The following DOCK2 variants were observed in gnomAD, a reference collection of about 807,000 sequenced individuals.
The protein encoded by DOCK2 is dedicator of cytokinesis protein 2.
A neutral mutation model predicts 248.9 loss-of-function variants in DOCK2; 87 were observed. The ratio of observed to expected loss-of-function variants is 0.35; its 90% CI spans 0.29 to 0.42. The LOEUF is 0.42. Among genes scored for constraint, DOCK2 ranks in the 10% least tolerant of loss-of-function variants. The pLI is 1.00. For missense variants in DOCK2, 1,747 were observed against 2,300.2 expected, an observed-to-expected ratio of 0.76 and a Z score of 4.92; for synonymous variants, 805 against 821.6, an observed-to-expected ratio of 0.98 and a Z score of 0.35.
chr5:169,979,915 T>C (rs971473296), intron 27 of DOCK2, among the ~76,000 whole-genome samples: 3 of 152,218 alleles, frequency 2.0e-5, no homozygotes, highest in African/African-American at 7.2e-5. Context: ...CCTCCCTTTT[T>C]ATCTTTTAAA....
chr5:170,048,634 A>G (rs1390905906), intron 40 of DOCK2, among the ~76,000 whole-genome samples: 1 of 152,190 alleles, frequency 6.6e-6, no homozygotes, highest in African/African-American at 2.4e-5. Context: ...AGAAAGCTCC[A>G]TCGTACACTC....
At chr5:169,839,758 TTATGTAACCC>T (rs1225468409) in intron 26 of DOCK2, among the ~76,000 whole-genome samples, 22 of 152,206 alleles carry the variant, frequency 1.4e-4, no homozygotes, top group African/African-American at 4.1e-4. Context: ...GTGGTTACCA[TTATGTAACCC>T]TAGTTTCCAT....
intron 27 of DOCK2, among the ~76,000 whole-genome samples, chr5:169,958,585 C>CTTTT (rs3079788): frequency 7.9e-5 from 12 of 151,088 alleles, no homozygotes; most frequent in African/African-American, 2.9e-4. Flanking sequence ...TCCTGGGTTT[C>CTTTT]TTTTTTTTTG....
intron 29 of DOCK2, among the ~76,000 whole-genome samples, chr5:169,995,387 T>C (rs976963361): frequency 6.6e-6 from 1 of 152,114 alleles, no homozygotes; most frequent in Non-Finnish European, 1.5e-5. Flanking sequence ...ATATAGGAGG[T>C]ATTTGATATA....
At chr5:170,019,358 C>G (rs929763175) in intron 33 of DOCK2, among the ~76,000 whole-genome samples, 32 of 152,226 alleles carry the variant, frequency 2.1e-4, no homozygotes, top group African/African-American at 7.0e-4. Flanking sequence ...TCTCAAGAAT[C>G]TAAGAACCCC....
At chr5:169,714,001 G>T in intron 17 of DOCK2, 27 bp from the exon 18 acceptor site, 1 of 1,564,866 alleles carries the variant, frequency 6.4e-7, no homozygotes, top group Admixed American at 1.8e-5. Flanking sequence ...GCCTTGGCTT[G>T]GGGCAGTAAC....
intron 22 of DOCK2, among the ~76,000 whole-genome samples, chr5:169,739,092 T>G (rs751822300): frequency 1.3e-5 from 2 of 152,210 alleles, no homozygotes; most frequent in Non-Finnish European, 2.9e-5. Context: ...ATCACTTAAC[T>G]ACACACACCA....
intron 23 of DOCK2, among the ~76,000 whole-genome samples, chr5:169,756,971 G>A (rs1217553645): frequency 6.6e-6 from 1 of 151,972 alleles, no homozygotes; most frequent in East Asian, 1.9e-4. Context: ...TCTTTTCAGG[G>A]CACATGCCTC....
At chr5:169,864,040 G>A (rs187685993) in intron 27 of DOCK2, among the ~76,000 whole-genome samples, 36 of 152,246 alleles carry the variant, frequency 2.4e-4, no homozygotes, top group Non-Finnish European at 3.8e-4. Flanking sequence ...CTTGGCAAGC[G>A]GTCACTCTAG....
chr5:170,045,379 G>A (rs540105665), intron 38 of DOCK2, among the ~76,000 whole-genome samples: 2 of 152,230 alleles, frequency 1.3e-5, no homozygotes, highest in Middle Eastern at 3.4e-3. Context: ...CACTAAACAC[G>A]AGCACGTGGG....
intron 27 of DOCK2, chr5:169,882,842 C>G: frequency 6.4e-7 from 1 of 1,551,084 alleles, no homozygotes; most frequent in South Asian, 1.2e-5. Context: ...TCCTGACACC[C>G]AGGGGCAGAT....
At chr5:169,884,130 G>T in intron 27 of DOCK2, 1 of 382,878 alleles carries the variant, frequency 2.6e-6, no homozygotes, top group East Asian at 3.8e-5. Flanking sequence ...ATTCATTGTA[G>T]TCATAATTGC....
At chr5:170,073,044 T>C (rs1407981648) in intron 46 of DOCK2, among the ~76,000 whole-genome samples, 4 of 152,230 alleles carry the variant, frequency 2.6e-5, no homozygotes, top group Non-Finnish European at 4.4e-5. Flanking sequence ...TTTTAAATGA[T>C]TAGTGCTTTT....
intron 22 of DOCK2, 121 bp downstream of exon 22, chr5:169,718,912 C>T: frequency 7.5e-7 from 1 of 1,329,088 alleles, no homozygotes; most frequent in Non-Finnish European, 1.0e-6. Flanking sequence ...TCAAAAACAG[C>T]TCAAGAATCC....
intron 21 of DOCK2, 118 bp downstream of exon 21, chr5:169,717,602 T>C: frequency 1.1e-6 from 1 of 905,804 alleles, no homozygotes; most frequent in Non-Finnish European, 1.8e-6. Flanking sequence ...AGCTCTCCAT[T>C]CTCTAACAAA....
intron 23 of DOCK2, among the ~76,000 whole-genome samples, chr5:169,751,189 C>T (rs7720195): frequency 0.018 from 2,783 of 152,204 alleles, 88 homozygotes; most frequent in African/African-American, 0.064. Context: ...AAAACAGAAG[C>T]TTTTTGGGTA....
chr5:169,708,129 T>A, intron 14 of DOCK2, 40 bp from the exon 15 acceptor site: 1 of 1,600,736 alleles, frequency 6.2e-7, no homozygotes, highest in Non-Finnish European at 8.5e-7. Context: ...AAAATGACAA[T>A]TCTGTAGTCT....
chr5:169,913,121 C>T (rs1581406798), intron 27 of DOCK2, among the ~76,000 whole-genome samples: 2 of 152,158 alleles, frequency 1.3e-5, no homozygotes, highest in South Asian at 2.1e-4. Context: ...TGAAACAGGT[C>T]ATAACTTCAG....
intron 28 of DOCK2, among the ~76,000 whole-genome samples, chr5:169,984,952 C>T (rs1393966763): frequency 6.6e-6 from 1 of 152,168 alleles, no homozygotes; most frequent in Admixed American, 6.5e-5. Flanking sequence ...CAGAATCTCG[C>T]TCTGTCACCA....
Sources: gnomAD v4.1 joint callset for allele counts (sites outside exome capture counted in the v4.1 genomes callset) on GRCh38, gnomAD v4.1.1 for gene constraint, MANE v1.5 for transcripts, NCBI Gene and HGNC (gene_info 2026-07-23, HGNC 2026-07-21) for gene names.